ABCA9: variants seen among roughly 807,000 people sequenced by gnomAD.
ABCA9 encodes ATP-binding cassette sub-family A member 9.
Under a neutral mutation model 205.3 loss-of-function variants are expected in ABCA9, and 183 were observed. The ratio of observed to expected loss-of-function variants is 0.89; its 90% CI spans 0.79 to 1.01. ABCA9 has a LOEUF of 1.01. Among genes scored for constraint, ABCA9 ranks in the 50% least tolerant of loss-of-function variants. The probability of loss-of-function intolerance (pLI) is 0.00; values close to 1 mark genes in which losing one functional copy is unlikely to be tolerated. For synonymous variants in ABCA9, 651 were observed against 683.3 expected (o/e 0.95, Z 0.74); for missense variants, 1,805 against 1,912.4 (o/e 0.94, Z 1.05).
chr17:69,067,647 AAAAGAAAGAG>A, the ABCA9 span, among the ~76,000 whole-genome samples: 9 of 152,084 alleles, frequency 5.9e-5, no homozygotes, highest in African/African-American at 2.2e-4. Context: ...AAAGAGAAAG[AAAAGAAAGAG>A]AAAGAAAGAA....
chr17:69,053,722 T>C (rs1365971528), intron 1 of ABCA9, among the ~76,000 whole-genome samples: 1 of 152,024 alleles, frequency 6.6e-6, no homozygotes, highest in Non-Finnish European at 1.5e-5. Flanking sequence ...ATATGCCTAA[T>C]GGGAATACCA....
At chr17:69,017,318 G>A (rs2070654253) in intron 21 of ABCA9, among the ~76,000 whole-genome samples, 1 of 152,068 alleles carries the variant, frequency 6.6e-6, no homozygotes, top group Admixed American at 6.6e-5. Context: ...AATCAGAAAA[G>A]CAAAGGCCAA....
intron 22 of ABCA9, 105 bp from the exon 23 acceptor site, chr17:69,012,188 A>G (rs1413184857): frequency 6.5e-6 from 5 of 774,848 alleles, no homozygotes; most frequent in African/African-American, 3.6e-5. Flanking sequence ...TGATCACTCA[A>G]AGTGCTTCTC....
At chr17:69,033,437 A>G (rs1598396547) in intron 9 of ABCA9, 1 of 205,202 alleles carries the variant, frequency 4.9e-6, no homozygotes, top group African/African-American at 2.3e-5. Flanking sequence ...GATTTCTAAG[A>G]TCAAGTATCA....
chr17:69,024,429 G>T, intron 16 of ABCA9, 76 bp from the exon 17 acceptor site: 1 of 1,342,510 alleles, frequency 7.4e-7, no homozygotes, highest in Non-Finnish European at 9.9e-7. Flanking sequence ...TGTAGTATGT[G>T]CTTGTCACTT....
chr17:68,976,015 TA>T lies in ABCA9; in HGVS notation c.4777-3del. On this transcript the variant is annotated splice_polypyrimidine_tract_variant and splice_region_variant and intron_variant, in intron 38 of 38. Coordinates refer to ENST00000340001, the MANE Select transcript of ABCA9 (RefSeq NM_080283.4). ...CTCCTTGGAGAGCTCCAGGAAAACC[TA>T]AAAGGAAGGAAAGAAATAAAGAGAG... 1 of 1,613,504 alleles carries T rather than the reference TA, an allele frequency of 6.2e-7. No individual in the cohort carries two copies. The highest frequency in any genetic ancestry group is 8.5e-7 in the Non-Finnish European group (1 of 1,179,740).
intron 25 of ABCA9, among the ~76,000 whole-genome samples, chr17:68,999,093 T>G (rs1265259398): frequency 4.6e-5 from 7 of 151,902 alleles, no homozygotes; most frequent in African/African-American, 1.7e-4. Flanking sequence ...GAACAGGCTT[T>G]CTTTCTTGGC....
intron 3 of ABCA9, among the ~76,000 whole-genome samples, chr17:69,046,424 T>G (rs927169687): frequency 2.0e-5 from 3 of 152,168 alleles, no homozygotes; most frequent in Non-Finnish European, 4.4e-5. Flanking sequence ...GGTGTTGATG[T>G]GTTGTTTTAT....
At chr17:68,978,325 A>G (rs2068945043) in intron 37 of ABCA9, among the ~76,000 whole-genome samples, 1 of 151,754 alleles carries the variant, frequency 6.6e-6, no homozygotes, top group Admixed American at 6.6e-5. Context: ...TGCTTGGTAG[A>G]TCTTCCTCCA....
chr17:68,995,296 A>G (rs1201711103), intron 26 of ABCA9, among the ~76,000 whole-genome samples: 1 of 152,154 alleles, frequency 6.6e-6, no homozygotes. Flanking sequence ...CTCCATCTCA[A>G]ATGGATTCGC....
At chr17:69,042,743 G>A (rs1200693092) in intron 6 of ABCA9, 2 of 152,284 alleles carry the variant, frequency 1.3e-5, no homozygotes, top group East Asian at 3.9e-4. Flanking sequence ...AAAGTTTCAA[G>A]TCACCAAGTC....
intron 25 of ABCA9, among the ~76,000 whole-genome samples, chr17:69,006,706 A>T (rs1037446797): frequency 2.6e-5 from 4 of 152,148 alleles, no homozygotes; most frequent in African/African-American, 9.6e-5. Flanking sequence ...TGTACCTGGT[A>T]GTTTTGGGGA....
rs1227835037 is a variant in ABCA9, at chr17:69,060,870, A to T, written c.-18T>A. On this transcript the variant is annotated 5_prime_UTR_variant, in exon 1 of 39. It removes the in-frame stop codon of an upstream open reading frame in the 5' UTR. Transcript: ENST00000340001. ...CAATTTTAGAGGTTAACTTACTCTC[A>T]GGAAAGCTGGAGGAAAAATCTAGAA... is the stretch of plus-strand genomic sequence containing the variant. The T allele has an allele frequency of 1.0e-6, 1 of 985,340 alleles. No homozygotes were observed. The highest frequency in any genetic ancestry group is 1.7e-5 in the African/African-American group (1 of 57,266). 61.0% of individuals were successfully genotyped at this position (985,340 alleles called of 1,614,324 possible). A position where few individuals can be genotyped will look rare whatever the true frequency, so the allele number is the denominator to read the frequency against.
chr17:69,031,743 T>TA (rs1472560243), intron 10 of ABCA9, among the ~76,000 whole-genome samples: 1 of 151,862 alleles, frequency 6.6e-6, no homozygotes, highest in Non-Finnish European at 1.5e-5. Context: ...ATTGAATTAA[T>TA]AAAAAAGGGG....
At chr17:68,985,537 G>C (rs1349220331) in intron 32 of ABCA9, among the ~76,000 whole-genome samples, 1 of 152,146 alleles carries the variant, frequency 6.6e-6, no homozygotes, top group African/African-American at 2.4e-5. Flanking sequence ...CAGGAGAATC[G>C]CTTGAACCTG....
intron 23 of ABCA9, among the ~76,000 whole-genome samples, chr17:69,008,864 G>T (rs2070264644): frequency 6.6e-6 from 1 of 152,182 alleles, no homozygotes; most frequent in Non-Finnish European, 1.5e-5. Flanking sequence ...ATAACACAAG[G>T]TCTTGAAAAT....
intron 37 of ABCA9, among the ~76,000 whole-genome samples, chr17:68,980,398 G>T (rs938285474): frequency 2.0e-5 from 3 of 152,038 alleles, no homozygotes; most frequent in Non-Finnish European, 1.5e-5. Context: ...TGATCTTGAC[G>T]TAGAAATACC....
the ABCA9 span, among the ~76,000 whole-genome samples, chr17:69,072,833 G>A: frequency 1.3e-5 from 2 of 152,184 alleles, no homozygotes. Flanking sequence ...AGACTTATCA[G>A]TGTGCTGTAT....
Position 69,026,448 on chromosome 17 carries a change from G to A in ABCA9, c.2070C>T (p.Ser690=), listed in dbSNP as rs772934762. The change falls in exon 16 of 39, where the codon TCC becomes TCT. Residue 690 remains serine (S), a synonymous_variant. Coordinates refer to ENST00000340001, the MANE Select transcript of ABCA9 (RefSeq NM_080283.4). ...DILADRKVFI[S]NGKLKCAGSS... is the part of the protein sequence containing the mutation. ...AGCCTGCACACTTCAGCTTCCCATT[G>A]GATATGAACACCTTCCTGTCTAGTT... 4 of 1,613,378 alleles carry A rather than the reference G, an allele frequency of 2.5e-6. No individual in the cohort carries two copies. Among genetic ancestry groups the A allele is most frequent in the Non-Finnish European group, 3.4e-6 (4 of 1,179,500 alleles).
Sources: allele counts gnomAD v4.1 joint callset (sites outside exome capture counted in the v4.1 genomes callset), GRCh38; gene constraint gnomAD v4.1.1; transcripts MANE v1.5; gene names NCBI Gene and HGNC (gene_info 2026-07-23, HGNC 2026-07-21).